The following PLEKHA8 variants were observed in gnomAD, a reference collection of about 807,000 sequenced individuals.
PLEKHA8 encodes pleckstrin homology domain containing A8.
PLEKHA8 carries 36 observed loss-of-function variants against 68.2 expected under a neutral mutation model. That is an observed-to-expected ratio of 0.53 (90% CI 0.40 to 0.70). The LOEUF (loss-of-function observed/expected upper bound fraction) is 0.70. Ranked by LOEUF, PLEKHA8 falls within the 30% of genes least tolerant of loss-of-function variation. The pLI is 0.00. For synonymous variants in PLEKHA8, 211 were observed against 216.1 expected (o/e 0.98, Z 0.20); for missense variants, 505 against 615.4 (o/e 0.82, Z 1.90).
chr7:30,031,693 T>C (rs559989243), intron 1 of PLEKHA8, among the ~76,000 whole-genome samples: 1 of 152,358 alleles, frequency 6.6e-6, no homozygotes, highest in Non-Finnish European at 1.5e-5. Flanking sequence ...AAGCTTACTC[T>C]GGCTTTAGCG....
Position 30,084,399 on chromosome 7 carries a change from A to G in PLEKHA8, c.*5612A>G, listed in dbSNP as rs1795091154. ...GAGTAGAAGGCAAGTTAAACTATAA[A>G]AGTGTCAAGTGGCTTGTTAACTTCT... On this transcript the variant is annotated 3_prime_UTR_variant, in exon 14 of 14. Coordinates refer to ENST00000449726, the MANE Select transcript of PLEKHA8 (RefSeq NM_001197026.2). 1.0e-6 allele frequency: 1 copy of G among 985,264 alleles called. No individual in the cohort carries two copies. The highest frequency in any genetic ancestry group is 1.7e-5 in the African/African-American group (1 of 57,236). The allele number at this position is 985,264 out of a possible 1,614,324, so 61.0% of individuals were successfully genotyped here.
intron 13 of PLEKHA8, chr7:30,115,979 T>TAC (rs1562558631): frequency 3.7e-4 from 50 of 136,068 alleles, no homozygotes; most frequent in African/African-American, 1.3e-3. Flanking sequence ...TGTGCATGCA[T>TAC]GCATGTATGC....
intron 3 of PLEKHA8, among the ~76,000 whole-genome samples, chr7:30,047,069 G>A (rs1792016723): frequency 6.6e-6 from 1 of 152,224 alleles, no homozygotes; most frequent in East Asian, 1.9e-4. Flanking sequence ...GGGAAAAAGT[G>A]TTCCAGGGAA....
chr7:30,084,565 G>A lies in PLEKHA8; in HGVS notation c.*5778G>A. The A allele has an allele frequency of 1.4e-5, 14 of 984,942 alleles. No homozygotes were observed. Among genetic ancestry groups the A allele is most frequent in the South Asian group, 4.7e-5 (1 of 21,276 alleles). The allele number at this position is 984,942 out of a possible 1,614,324, so 61.0% of individuals were successfully genotyped here. A position where few individuals can be genotyped will look rare whatever the true frequency, so the allele number is the denominator to read the frequency against. On this transcript the variant is annotated 3_prime_UTR_variant, in exon 14 of 14. Coordinates refer to ENST00000449726, the MANE Select transcript of PLEKHA8 (RefSeq NM_001197026.2). ...TATCTTGTGGGGAGGGGTGACAGGG[G>A]AGGGTTTTACTTTTTTTGCAAAAAT...
At chr7:30,096,246 T>A (rs922627392) in intron 13 of PLEKHA8, among the ~76,000 whole-genome samples, 2 of 152,222 alleles carry the variant, frequency 1.3e-5, no homozygotes, top group African/African-American at 2.4e-5. Flanking sequence ...TTCACATCCC[T>A]TGTAAGTTGG....
chr7:30,122,139 G>A, intron 13 of PLEKHA8, among the ~76,000 whole-genome samples: 1 of 152,200 alleles, frequency 6.6e-6, no homozygotes, highest in East Asian at 1.9e-4. Context: ...TCTTCTAAGA[G>A]GTAGAATCAG....
chr7:30,045,527 G>T (rs1791886194), intron 2 of PLEKHA8, among the ~76,000 whole-genome samples: 1 of 152,156 alleles, frequency 6.6e-6, no homozygotes, highest in Non-Finnish European at 1.5e-5. Context: ...AAACACTTTT[G>T]TGTTTAAATC....
chr7:30,047,664 A>G (rs1792060202), intron 3 of PLEKHA8, among the ~76,000 whole-genome samples, 168 bp from the exon 4 acceptor site: 2 of 152,136 alleles, frequency 1.3e-5, no homozygotes, highest in Admixed American at 6.5e-5. Context: ...TTTTCTTGTT[A>G]TTATGTCTTC....
downstream of PLEKHA8, among the ~76,000 whole-genome samples, chr7:30,085,662 A>G (rs1795153925): frequency 2.6e-5 from 4 of 152,186 alleles, no homozygotes; most frequent in African/African-American, 7.2e-5. Context: ...ACTATTGCCC[A>G]CTTGAGCCCT....
At chr7:30,034,010 C>CTTTTGTTTTTTT (rs1790859175) in intron 1 of PLEKHA8, among the ~76,000 whole-genome samples, 3 of 34,634 alleles carry the variant, frequency 8.7e-5, no homozygotes, top group African/African-American at 3.8e-4. Flanking sequence ...TAAGAGGTTT[C>CTTTTGTTTTTTT]TTTTTTTTTT....
At position 30,055,852 on chromosome 7, in the gene PLEKHA8, C is replaced by T. The variant is rs575096070; in HGVS notation, c.1039+510C>T. 3.9e-5 allele frequency among the ~76,000 whole-genome samples: 6 copies of T among 151,922 alleles called. No homozygotes were observed. The South Asian group carries it at 1.2e-3, about 32-fold the overall frequency. On this transcript the variant is annotated intron_variant, in intron 9 of 13. Coordinates refer to ENST00000449726, the MANE Select transcript of PLEKHA8 (RefSeq NM_001197026.2). The stretch of plus-strand genomic sequence containing the variant: ...TTGTATTTTTTGTGGATATGGGTTT[C>T]GTCATGTTGCCCATACTGGTTTGGA...
chr7:30,082,503 C>T lies in PLEKHA8; in HGVS notation c.*3716C>T, dbSNP rs566988248. 2.1e-5 allele frequency: 21 copies of T among 985,248 alleles called. No individual in the cohort carries two copies. The East Asian group carries it at 1.5e-3, about 69-fold the overall frequency. 61.0% of individuals were successfully genotyped at this position (985,248 alleles called of 1,614,324 possible). A position where few individuals can be genotyped will look rare whatever the true frequency, so the allele number is the denominator to read the frequency against. ...CATATTCCCATTTGTAGCTGGAAAG[C>T]GGGTGAATGACATGACATGGGGCAC... is the stretch of plus-strand genomic sequence containing the variant. On this transcript the variant is annotated 3_prime_UTR_variant, in exon 14 of 14. Transcript: ENST00000449726.
intron 13 of PLEKHA8, chr7:30,118,228 C>T (rs566132895): frequency 9.9e-6 from 4 of 404,370 alleles, no homozygotes; most frequent in Non-Finnish European, 1.7e-5. Context: ...CTGAGAAAAC[C>T]CTGAAATGAC....
chr7:30,061,681 C>T (rs1793448416), intron 10 of PLEKHA8, among the ~76,000 whole-genome samples: 1 of 152,118 alleles, frequency 6.6e-6, no homozygotes, highest in African/African-American at 2.4e-5. Flanking sequence ...ACTTTAAGAA[C>T]AAAACTTTAA....
At chr7:30,125,605 A>G (rs73305166) in intron 13 of PLEKHA8, among the ~76,000 whole-genome samples, 205 of 152,328 alleles carry the variant, frequency 1.3e-3, no homozygotes, top group African/African-American at 4.8e-3. Flanking sequence ...ATTAGACAAC[A>G]GTGTAGTGTT....
intron 13 of PLEKHA8, among the ~76,000 whole-genome samples, chr7:30,096,102 A>C (rs565424098): frequency 4.0e-4 from 61 of 152,298 alleles, no homozygotes; most frequent in African/African-American, 1.4e-3. Context: ...TTTAATCTAT[A>C]AATTACCTTG....
chr7:30,066,234 T>C (rs992980175), intron 12 of PLEKHA8, among the ~76,000 whole-genome samples: 4 of 152,250 alleles, frequency 2.6e-5, no homozygotes, highest in Non-Finnish European at 5.9e-5. Context: ...TTGAGGTGAA[T>C]GTTCATGAAA....
chr7:30,095,618 G>A (rs1298899433), downstream of PLEKHA8, among the ~76,000 whole-genome samples: 1 of 152,246 alleles, frequency 6.6e-6, no homozygotes, highest in African/African-American at 2.4e-5. Context: ...GTCCTGAATG[G>A]TATTGCCTAG....
At chr7:30,073,134 ATAGAT>A (rs1432426424) in intron 12 of PLEKHA8, among the ~76,000 whole-genome samples, 6 of 152,360 alleles carry the variant, frequency 3.9e-5, no homozygotes, top group Non-Finnish European at 7.3e-5. Context: ...GACAAAAATT[ATAGAT>A]TAAAGTATGA....
Sources: allele counts gnomAD v4.1 joint callset (sites outside exome capture counted in the v4.1 genomes callset), GRCh38; gene constraint gnomAD v4.1.1; transcripts MANE v1.5; gene names NCBI Gene and HGNC (gene_info 2026-07-23, HGNC 2026-07-21).